The following CACNA1C variants were observed in gnomAD, a reference collection of about 807,000 sequenced individuals.
The protein encoded by CACNA1C is calcium voltage-gated channel subunit alpha1 C.
A neutral mutation model predicts 229.0 loss-of-function variants in CACNA1C; 30 were observed. The ratio of observed to expected loss-of-function variants is 0.13; its 90% CI spans 0.10 to 0.18. The LOEUF (loss-of-function observed/expected upper bound fraction) is 0.18, where lower values mean the gene tolerates loss of function less well. Ranked by LOEUF, CACNA1C falls within the 10% of genes least tolerant of loss-of-function variation. The probability of loss-of-function intolerance (pLI) is 1.00; values close to 1 mark genes in which losing one functional copy is unlikely to be tolerated. For synonymous variants in CACNA1C, 1,114 were observed against 1,132.5 expected, an observed-to-expected ratio of 0.98 and a Z score of 0.33; for missense variants, 1,658 against 2,845.0, an observed-to-expected ratio of 0.58 and a Z score of 9.49.
intron 3 of CACNA1C, among the ~76,000 whole-genome samples, chr12:2,150,992 G>A (rs2095203106): frequency 6.6e-6 from 1 of 152,156 alleles, no homozygotes; most frequent in East Asian, 1.9e-4. Context: ...CCTTTGTGTT[G>A]GCTGGTTCCT....
At chr12:2,315,562 A>G (rs1488928644) in intron 3 of CACNA1C, among the ~76,000 whole-genome samples, 2 of 152,222 alleles carry the variant, frequency 1.3e-5, no homozygotes, top group Non-Finnish European at 2.9e-5. Flanking sequence ...CATTCAGGAA[A>G]GAAACGAAGG....
chr12:2,596,255 G>C (rs1049077792), intron 20 of CACNA1C: 22 of 390,440 alleles, frequency 5.6e-5, no homozygotes, highest in Non-Finnish European at 9.1e-5. Flanking sequence ...TTCATTGCCT[G>C]TGGATGTTCC....
intron 29 of CACNA1C, among the ~76,000 whole-genome samples, chr12:2,615,725 C>G (rs773600209): frequency 1.3e-5 from 2 of 152,222 alleles, no homozygotes; most frequent in Non-Finnish European, 2.9e-5. Context: ...GTGTCTGTCT[C>G]AGCTACTCCA....
intron 1 of CACNA1C, among the ~76,000 whole-genome samples, chr12:2,080,618 A>ACAAAAAC (rs1410504877): frequency 6.6e-6 from 1 of 151,944 alleles, no homozygotes; most frequent in Non-Finnish European, 1.5e-5. Flanking sequence ...AAAACAAAAA[A>ACAAAAAC]CAAAGAGATA....
intron 3 of CACNA1C, among the ~76,000 whole-genome samples, chr12:2,425,881 C>T (rs183537537): frequency 9.1e-4 from 139 of 152,262 alleles, no homozygotes; most frequent in Non-Finnish European, 8.7e-4. Context: ...TTAGAAAGCC[C>T]CAAGAGACTT....
Position 2,693,698 on chromosome 12 carries a change from T to C in CACNA1C, c.*2499T>C, listed in dbSNP as rs1453369734. On this transcript the variant is annotated 3_prime_UTR_variant, in exon 47 of 47. Transcript: ENST00000399655. ...TGGGGGCATCTCTAATGCTCACTTA[T>C]ATCTCCCTAGAACATCACTCTTTTG... The C allele has an allele frequency of 6.6e-6, 1 of 152,244 alleles. No homozygotes were observed. The highest frequency in any genetic ancestry group is 1.5e-5 in the Non-Finnish European group (1 of 68,064). 9.4% of individuals were successfully genotyped at this position (152,244 alleles called of 1,614,324 possible).
rs577079676 is a variant in CACNA1C at position 2,067,593 on chromosome 12, G to A, written c.49+13982G>A. On this transcript the variant is annotated intron_variant, in intron 1 of 46. Coordinates refer to ENST00000399655, the MANE Select transcript of CACNA1C (RefSeq NM_000719.7). The surrounding 1 kb of genome is among the most constrained non-coding windows in gnomAD (Gnocchi z 5.3). The stretch of plus-strand genomic sequence containing the variant: ...GGGTGCTGACACCAAAGCAGAGAGA[G>A]CTCGTGGTGTGCAGCCCTGAGGTCA... 5.1e-4 allele frequency among the ~76,000 whole-genome samples: 78 copies of A among 152,224 alleles called. No homozygotes were observed. Among genetic ancestry groups the A allele is most frequent in the African/African-American group, 1.9e-3 (78 of 41,524 alleles).
At chr12:2,116,890 A>G (rs1374633389) in intron 2 of CACNA1C, among the ~76,000 whole-genome samples, 2 of 152,218 alleles carry the variant, frequency 1.3e-5, no homozygotes, top group East Asian at 3.8e-4. Flanking sequence ...ATGAGTTTCT[A>G]TGGAAAGATT....
Position 2,632,004 on chromosome 12 carries a change from G to A in CACNA1C, c.3829-2293G>A, listed in dbSNP as rs1212068273. 6.6e-6 allele frequency among the ~76,000 whole-genome samples: 1 copy of A among 151,868 alleles called. No individual in the cohort carries two copies. The highest frequency in any genetic ancestry group is 1.5e-5 in the Non-Finnish European group (1 of 67,998). On this transcript the variant is annotated intron_variant, in intron 29 of 46. Coordinates refer to ENST00000399655, the MANE Select transcript of CACNA1C (RefSeq NM_000719.7). This position sits in a 1 kb window ranked among gnomAD's most constrained non-coding sequence, Gnocchi z 4.1. ...TGGCTTTGTGAGTAAAAAATGAAGA[G>A]GAAAAGTTGGCAGCCTTCAAGTGAG...
chr12:2,225,559 CAAG>C (rs1654047611), intron 3 of CACNA1C, among the ~76,000 whole-genome samples: 1 of 152,154 alleles, frequency 6.6e-6, no homozygotes, highest in Non-Finnish European at 1.5e-5. Context: ...GGAACCTGAG[CAAG>C]AAGAAGATCC....
Position 2,393,873 on chromosome 12 carries a change from A to G in CACNA1C, c.478-55103A>G, listed in dbSNP as rs2098528702. 2.0e-5 allele frequency among the ~76,000 whole-genome samples: 3 copies of G among 152,112 alleles called. No homozygotes were observed. In the South Asian group the frequency reaches 6.2e-4, roughly 32 times the overall value. ...GTAATTCCAGCACTTTGGGAGGCTA[A>G]GGTGGGAGGATCATGGGAGGCTAGG... On this transcript the variant is annotated intron_variant, in intron 3 of 46. Transcript: ENST00000399655.
chr12:2,690,661 A>G (rs1322119085), intron 46 of CACNA1C: 2 of 478,530 alleles, frequency 4.2e-6, no homozygotes, highest in Non-Finnish European at 3.7e-6. Flanking sequence ...ATTTGATGAC[A>G]GTGTTTGACC....
chr12:2,193,590 C>G (rs1164593503), intron 3 of CACNA1C, among the ~76,000 whole-genome samples: 1 of 152,264 alleles, frequency 6.6e-6, no homozygotes, highest in Admixed American at 6.5e-5. Context: ...AGCAAGCCGT[C>G]TGAATTGAGC....
At chr12:2,143,039 T>G (rs1031787116) in intron 3 of CACNA1C, among the ~76,000 whole-genome samples, 1 of 150,934 alleles carries the variant, frequency 6.6e-6, no homozygotes, top group African/African-American at 2.4e-5. Flanking sequence ...GCAATGGTGC[T>G]ATCTTGGCTC....
intron 9 of CACNA1C, among the ~76,000 whole-genome samples, chr12:2,532,921 CTTGTT>C (rs1373914193): frequency 7.9e-5 from 12 of 152,204 alleles, no homozygotes; most frequent in Non-Finnish European, 1.6e-4. Flanking sequence ...AGGCCTTTTG[CTTGTT>C]GAAGACAGTG....
intron 29 of CACNA1C, among the ~76,000 whole-genome samples, chr12:2,615,292 G>A (rs114431146): frequency 0.025 from 3,744 of 152,300 alleles, 153 homozygotes; most frequent in African/African-American, 0.085. Context: ...ATGAACTGAA[G>A]CTTGTCAGCA....
intron 3 of CACNA1C, among the ~76,000 whole-genome samples, chr12:2,242,264 A>C (rs1235284840): frequency 6.6e-6 from 1 of 152,240 alleles, no homozygotes; most frequent in East Asian, 1.9e-4. Context: ...CAGGTGCAGG[A>C]GGAGTCTTCA....
chr12:2,660,729 CAGG>C (rs1389003779), intron 34 of CACNA1C: 1 of 152,134 alleles, frequency 6.6e-6, no homozygotes, highest in Admixed American at 6.6e-5. Flanking sequence ...GAGGCTGAGG[CAGG>C]AGAATTGCTT....
intron 3 of CACNA1C, among the ~76,000 whole-genome samples, chr12:2,345,021 A>G (rs970398100): frequency 6.7e-6 from 1 of 148,896 alleles, no homozygotes; most frequent in South Asian, 2.2e-4. Context: ...TGGCCTTGAA[A>G]TGAAGCTGGG....
Sources: allele counts gnomAD v4.1 joint callset (sites outside exome capture counted in the v4.1 genomes callset), GRCh38; gene constraint gnomAD v4.1.1; non-coding constraint Gnocchi (gnomAD v3.1); transcripts MANE v1.5; gene names NCBI Gene and HGNC (gene_info 2026-07-23, HGNC 2026-07-21).